TIAM2: variants seen among roughly 807,000 people sequenced by gnomAD.
TIAM2 encodes the protein rho guanine nucleotide exchange factor TIAM2.
A neutral mutation model predicts 152.9 loss-of-function variants in TIAM2; 80 were observed. The observed-to-expected ratio is 0.52, with a 90% CI of 0.44 to 0.63. The LOEUF (loss-of-function observed/expected upper bound fraction) is 0.63, where lower values mean the gene tolerates loss of function less well. Ranked by LOEUF, TIAM2 falls within the 30% of genes least tolerant of loss-of-function variation. The pLI is 0.00. For missense variants in TIAM2, 1,965 were observed against 2,120.1 expected (o/e 0.93, Z 1.44); for synonymous variants, 804 against 838.0 (o/e 0.96, Z 0.70).
At chr6:155,054,734 TA>T (rs993226320) in intron 1 of TIAM2, among the ~76,000 whole-genome samples, 2 of 152,066 alleles carry the variant, frequency 1.3e-5, no homozygotes, top group African/African-American at 4.8e-5. Context: ...AAAACTACAA[TA>T]ATAGAATCGT....
chr6:155,250,500 C>T (rs761193353), intron 21 of TIAM2: 3 of 1,508,770 alleles, frequency 2.0e-6, no homozygotes, highest in South Asian at 2.4e-5. Context: ...ATCAGTCCTT[C>T]ACTCTGGCCA....
chr6:155,219,507 C>T (rs1425996731), intron 15 of TIAM2, among the ~76,000 whole-genome samples: 1 of 152,228 alleles, frequency 6.6e-6, no homozygotes, highest in Non-Finnish European at 1.5e-5. Context: ...CTCTCTAACG[C>T]CACACTTCCT....
At chr6:155,128,434 C>A (rs1166077313) in intron 3 of TIAM2, among the ~76,000 whole-genome samples, 1 of 152,090 alleles carries the variant, frequency 6.6e-6, no homozygotes, top group African/African-American at 2.4e-5. Context: ...GCAAAAGTCT[C>A]TCAAAATACT....
chr6:155,023,703 A>C (rs919551690), intron 1 of TIAM2, among the ~76,000 whole-genome samples: 1 of 152,188 alleles, frequency 6.6e-6, no homozygotes, highest in Non-Finnish European at 1.5e-5. Context: ...CTTTCCTTGC[A>C]GGCGGAGCCT....
At position 155,178,960 on chromosome 6, in the gene TIAM2, G is replaced by GTC. The variant is rs1313640657; in HGVS notation, c.2524-79_2524-78insTC. 3.4e-6 allele frequency: 4 copies of GTC among 1,160,682 alleles called. No homozygotes were observed. In the African/African-American group the frequency reaches 6.3e-5, roughly 18 times the overall value. The allele number at this position is 1,160,682 out of a possible 1,614,324, so 71.9% of individuals were successfully genotyped here. A position where few individuals can be genotyped will look rare whatever the true frequency, so the allele number is the denominator to read the frequency against. ...GTATTCTTTTAGAGATTTCTACTTT[G>GTC]ATTTTTAATAAGCCTGCTAACCAAT... On this transcript the variant is annotated intron_variant, in intron 10 of 26. Coordinates refer to ENST00000682666, the MANE Select transcript of TIAM2 (RefSeq NM_012454.4).
In TIAM2 at chr6:155,257,476, G is replaced by T; in HGVS notation, c.*355G>T. 1 of 325,876 alleles carries T rather than the reference G, an allele frequency of 3.1e-6. No homozygotes were observed. The highest frequency in any genetic ancestry group is 5.6e-6 in the Non-Finnish European group (1 of 177,932). The allele number at this position is 325,876 out of a possible 1,614,324, so 20.2% of individuals were successfully genotyped here. On this transcript the variant is annotated 3_prime_UTR_variant, in exon 27 of 27. Coordinates refer to ENST00000682666, the MANE Select transcript of TIAM2 (RefSeq NM_012454.4). ...AAGGGCCATTTTTTAAAATCCTCTG[G>T]GCATTTTCTTTCAGCTGTTTGTTAG... is the stretch of plus-strand genomic sequence containing the variant.
chr6:155,146,768 A>ATTTTTTTTTTTTTTTTTTTTTTTTT (rs373361803), intron 6 of TIAM2, among the ~76,000 whole-genome samples: 1 of 135,898 alleles, frequency 7.4e-6, no homozygotes. Flanking sequence ...TGCCTGGCTA[A>ATTTTTTTTTTTTTTTTTTTTTTTTT]TTTTTTTTTT....
At chr6:155,134,194 C>T (rs1468093452) in intron 4 of TIAM2, among the ~76,000 whole-genome samples, 1 of 151,910 alleles carries the variant, frequency 6.6e-6, no homozygotes, top group Admixed American at 6.6e-5. Flanking sequence ...ACCTTAGTTT[C>T]ATCCGCATAA....
intron 9 of TIAM2, among the ~76,000 whole-genome samples, chr6:155,171,341 A>G (rs1478169939): frequency 6.6e-6 from 1 of 152,216 alleles, no homozygotes; most frequent in Non-Finnish European, 1.5e-5. Context: ...TGAGTCTTAC[A>G]CGGCCTTTGA....
At chr6:155,032,703 G>A (rs1336395100) in intron 1 of TIAM2, among the ~76,000 whole-genome samples, 1 of 152,108 alleles carries the variant, frequency 6.6e-6, no homozygotes. Flanking sequence ...ACCACGCCCA[G>A]CTAATTTTTT....
intron 2 of TIAM2, among the ~76,000 whole-genome samples, chr6:155,100,342 G>A (rs1339392075): frequency 6.6e-6 from 1 of 152,222 alleles, no homozygotes; most frequent in Non-Finnish European, 1.5e-5. Context: ...GAAGATGCCG[G>A]CTTGGAATAT....
At chr6:155,148,976 TAGTC>T (rs1298071773) in intron 7 of TIAM2, 2 of 164,344 alleles carry the variant, frequency 1.2e-5, no homozygotes, top group African/African-American at 4.8e-5. Context: ...ATCCCTATCT[TAGTC>T]AGGTTTCCTA....
At chr6:155,117,277 G>A (rs1779037715) in intron 2 of TIAM2, among the ~76,000 whole-genome samples, 1 of 53,478 alleles carries the variant, frequency 1.9e-5, no homozygotes, top group Non-Finnish European at 3.1e-5. Flanking sequence ...TTGCTTGAAA[G>A]TGTGTGTGTG....
At chr6:155,205,262 T>C (rs1327918656) in intron 14 of TIAM2, among the ~76,000 whole-genome samples, 2 of 148,722 alleles carry the variant, frequency 1.3e-5, no homozygotes, top group Admixed American at 6.7e-5. Context: ...AAACAAATGT[T>C]CTCCTGTCAC....
At chr6:155,216,913 C>T (rs760218873) in intron 15 of TIAM2, 264 of 1,191,760 alleles carry the variant, frequency 2.2e-4, no homozygotes, top group Non-Finnish European at 2.6e-4. Context: ...AGCTTGGTGG[C>T]GCTAGGACGT....
At chr6:155,045,840 C>CTTTTTTTTTTTTTTTTTTTT (rs11354850) in intron 1 of TIAM2, among the ~76,000 whole-genome samples, 7 of 60,492 alleles carry the variant, frequency 1.2e-4, no homozygotes, top group African/African-American at 2.0e-4. Context: ...ATAGTGCCCT[C>CTTTTTTTTTTTTTTTTTTTT]TTTTTTTTTT....
intron 1 of TIAM2, among the ~76,000 whole-genome samples, chr6:155,063,286 C>T (rs1353775890): frequency 1.3e-5 from 2 of 152,114 alleles, no homozygotes; most frequent in Non-Finnish European, 2.9e-5. Flanking sequence ...AACTAAAAAG[C>T]AGTGTTTTAG....
At chr6:155,242,789 G>A (rs563676918) in intron 16 of TIAM2, among the ~76,000 whole-genome samples, 1 of 152,272 alleles carries the variant, frequency 6.6e-6, no homozygotes, top group Admixed American at 6.5e-5. Context: ...AGGCTGGAGT[G>A]CAGTGGCATG....
chr6:155,171,454 G>T (rs1352984876), intron 9 of TIAM2, among the ~76,000 whole-genome samples: 11 of 152,172 alleles, frequency 7.2e-5, no homozygotes, highest in Admixed American at 7.2e-4. Flanking sequence ...CAGCCCCTGG[G>T]CCTTGGCCCC....
Sources: gnomAD v4.1 joint callset for allele counts (sites outside exome capture counted in the v4.1 genomes callset) on GRCh38, gnomAD v4.1.1 for gene constraint, MANE v1.5 for transcripts, NCBI Gene and HGNC (gene_info 2026-07-23, HGNC 2026-07-21) for gene names.